PIH1D2: variants seen among roughly 807,000 people sequenced by gnomAD.
PIH1D2 encodes PIH1 domain containing 2.
In PIH1D2, 25 loss-of-function variants were observed where a neutral mutation model predicts 31.2. That is an observed-to-expected ratio of 0.80 (90% CI 0.58 to 1.12). PIH1D2 has a LOEUF of 1.12. PIH1D2 is among the 50% of genes most tolerant of loss of function. The pLI is 0.00. For missense variants in PIH1D2, 310 were observed against 356.6 expected (o/e 0.87, Z 1.05); for synonymous variants, 116 against 119.9 (o/e 0.97, Z 0.21).
intron 5 of PIH1D2, 163 bp downstream of exon 5, chr11:112,070,273 G>T: frequency 1.3e-6 from 1 of 761,052 alleles, no homozygotes; most frequent in Non-Finnish European, 2.1e-6. Context: ...TTTTCCCTTT[G>T]CTGAGATGTG....
chr11:112,057,697 A>G, the PIH1D2 span, among the ~76,000 whole-genome samples: 1 of 152,208 alleles, frequency 6.6e-6, no homozygotes, highest in South Asian at 2.1e-4. Context: ...AGGTTGGCTC[A>G]TGAGGTTGAA....
At chr11:112,068,973 A>ATTTTTTTTGTTTTTTTTTGT (rs1566653081) in intron 5 of PIH1D2, among the ~76,000 whole-genome samples, 12 of 134,396 alleles carry the variant, frequency 8.9e-5, no homozygotes, top group Admixed American at 3.7e-4. Flanking sequence ...AAACCTCTGA[A>ATTTTTTTTGTTTTTTTTTGT]TTTTTTTTGT....
At chr11:112,062,304 A>T (rs912162680), downstream of PIH1D2, 13 of 1,241,046 alleles carry the variant, frequency 1.0e-5, no homozygotes, top group Non-Finnish European at 1.5e-5. Flanking sequence ...AGGAAGTATT[A>T]CCTGGTTGGG....
intron 5 of PIH1D2, among the ~76,000 whole-genome samples, chr11:112,068,896 T>C (rs1592749635): frequency 1.3e-5 from 2 of 151,912 alleles, no homozygotes; most frequent in African/African-American, 4.8e-5. Context: ...ATTGAGAAAT[T>C]ACTTTTATCA....
intron 5 of PIH1D2, among the ~76,000 whole-genome samples, chr11:112,069,108 C>T (rs188321000): frequency 0.013 from 1,921 of 150,224 alleles, 147 homozygotes; most frequent in Admixed American, 0.12. Context: ...AAGCAGTTCT[C>T]CTGCCTCAGC....
intron 2 of PIH1D2, among the ~76,000 whole-genome samples, chr11:112,072,024 C>T (rs1555184749): frequency 1.3e-5 from 2 of 151,672 alleles, no homozygotes; most frequent in East Asian, 1.9e-4. Context: ...ACCCAGGAGG[C>T]GGAGGTTGCA....
chr11:112,061,195 G>GA, downstream of PIH1D2: 1 of 1,613,750 alleles, frequency 6.2e-7, no homozygotes. Context: ...AAATGGAGGG[G>GA]AAGTCGTAAG....
downstream of PIH1D2, among the ~76,000 whole-genome samples, chr11:112,065,696 T>G (rs998012671): frequency 1.2e-4 from 18 of 152,166 alleles, no homozygotes; most frequent in African/African-American, 4.3e-4. Flanking sequence ...ATATTTGCTT[T>G]TAGGCTAGGC....
At chr11:112,071,490 CAG>C (rs1279151049) in intron 3 of PIH1D2, 143 bp downstream of exon 3, 6 of 1,260,212 alleles carry the variant, frequency 4.8e-6, no homozygotes, top group Non-Finnish European at 6.5e-6. Context: ...AAAAGTTAAA[CAG>C]TATTAAATTT....
downstream of PIH1D2, chr11:112,064,026 T>C: frequency 7.0e-6 from 5 of 717,032 alleles, no homozygotes; most frequent in Non-Finnish European, 1.1e-5. Flanking sequence ...CCACACAGAC[T>C]TTTACCTTGC....
In PIH1D2 at chr11:112,071,682, G is replaced by A; in HGVS notation, c.254C>T (p.Pro85Leu). 6.2e-7 allele frequency: 1 copy of A among 1,613,388 alleles called. No individual in the cohort carries two copies. The highest frequency in any genetic ancestry group is 8.5e-7 in the Non-Finnish European group (1 of 1,179,306). ...TGGTTTGCCAACAGTTAGAGGTACT[G>A]GATGAGTGGTTGATTGGGGAGCTGG... ...RIPAPQSTTH[P>L]VPLTVGKPED... Residue 85 changes from proline (P) to leucine (L), a missense_variant, in exon 3 of 6, where the codon CCA becomes CTA. Pro to Leu is a moderately conservative substitution (Grantham distance 98). Transcript: ENST00000280350.
chr11:112,055,207 A>G, the PIH1D2 span, among the ~76,000 whole-genome samples: 1 of 149,178 alleles, frequency 6.7e-6, no homozygotes, highest in African/African-American at 2.5e-5. Flanking sequence ...TAAGGCATTG[A>G]CAGTCTTCCG....
chr11:112,072,524 C>T (rs587699496), intron 2 of PIH1D2, among the ~76,000 whole-genome samples: 2 of 115,512 alleles, frequency 1.7e-5, no homozygotes, highest in East Asian at 2.7e-4. Context: ...CCAGCTTGAG[C>T]GACAGAGCCA....
intron 5 of PIH1D2, 50 bp from the exon 6 acceptor site, chr11:112,068,055 C>G (rs782770715): frequency 7.7e-7 from 1 of 1,299,546 alleles, no homozygotes; most frequent in South Asian, 1.3e-5. Context: ...ATTTGGGATA[C>G]TAACTTATTG....
At chr11:112,068,041 T>A (rs1864994284) in intron 5 of PIH1D2, 36 bp from the exon 6 acceptor site, 2 of 1,411,650 alleles carry the variant, frequency 1.4e-6, no homozygotes, top group African/African-American at 1.4e-5. Context: ...ATTTCCTGCT[T>A]AAAATTTGGG....
the PIH1D2 span, among the ~76,000 whole-genome samples, chr11:112,056,639 AT>A: frequency 0.31 from 46,958 of 152,062 alleles, 8,236 homozygotes; most frequent in East Asian, 0.58. Flanking sequence ...GAGTATTTAC[AT>A]ACAGTTATTT....
downstream of PIH1D2, among the ~76,000 whole-genome samples, chr11:112,059,465 T>C (rs1864397386): frequency 1.3e-5 from 2 of 151,680 alleles, no homozygotes; most frequent in Admixed American, 1.3e-4. Context: ...TGATCTCAGC[T>C]CACTGCAACC....
chr11:112,068,239 T>G (rs1864998809), intron 5 of PIH1D2, among the ~76,000 whole-genome samples: 1 of 152,166 alleles, frequency 6.6e-6, no homozygotes, highest in African/African-American at 2.4e-5. Context: ...TCCTAAATTA[T>G]GTGGCTGACC....
downstream of PIH1D2, chr11:112,064,435 T>G (rs782102101): frequency 2.0e-6 from 1 of 508,236 alleles, no homozygotes; most frequent in Non-Finnish European, 3.4e-6. Flanking sequence ...ATTTTCACAT[T>G]TAAATTATTT....
Sources: allele counts gnomAD v4.1 joint callset (sites outside exome capture counted in the v4.1 genomes callset), GRCh38; gene constraint gnomAD v4.1.1; transcripts MANE v1.5; gene names NCBI Gene and HGNC (gene_info 2026-07-23, HGNC 2026-07-21).